The following DPYSL4 variants were observed in gnomAD, a reference collection of about 807,000 sequenced individuals.
The protein encoded by DPYSL4 is dihydropyrimidinase like 4, also known as dihydropyrimidinase-related protein 4.
A neutral mutation model predicts 63.4 loss-of-function variants in DPYSL4; 43 were observed. That is an observed-to-expected ratio of 0.68 (90% CI 0.53 to 0.88). The LOEUF (loss-of-function observed/expected upper bound fraction) is 0.88, where lower values mean the gene tolerates loss of function less well. Among genes scored for constraint, DPYSL4 ranks in the 40% least tolerant of loss-of-function variants. The pLI is 0.00. For synonymous variants in DPYSL4, 353 were observed against 331.7 expected (o/e 1.06, Z -0.70); for missense variants, 733 against 819.5 (o/e 0.89, Z 1.29).
chr10:132,197,768 G>A (rs1464094856), intron 6 of DPYSL4, among the ~76,000 whole-genome samples: 2 of 152,178 alleles, frequency 1.3e-5, no homozygotes, highest in East Asian at 3.9e-4. Context: ...GGAAGGTGGT[G>A]GCACTCGGGC....
chr10:132,202,951 T>C, intron 12 of DPYSL4, 126 bp downstream of exon 12: 1 of 1,194,936 alleles, frequency 8.4e-7, no homozygotes, highest in Non-Finnish European at 1.1e-6. Flanking sequence ...GCGGGGCCGC[T>C]GCTTGCCCAG....
intron 12 of DPYSL4, 28 bp from the exon 13 acceptor site, chr10:132,203,734 C>T (rs2062053758): frequency 5.1e-6 from 8 of 1,583,896 alleles, no homozygotes; most frequent in Non-Finnish European, 6.9e-6. Context: ...CCCCTCATGC[C>T]CTGTCTCTGC....
At position 132,187,008 on chromosome 10, in the gene DPYSL4, CGCCCGCCCGCCCG is replaced by C; in HGVS notation, c.-55_-43del. The C allele has an allele frequency of 5.3e-5, 7 of 133,026 alleles. No individual in the cohort carries two copies. The South Asian group carries it at 6.3e-4, about 12-fold the overall frequency. 8.2% of individuals were successfully genotyped at this position (133,026 alleles called of 1,614,324 possible). A position where few individuals can be genotyped will look rare whatever the true frequency, so the allele number is the denominator to read the frequency against. On this transcript the variant is annotated 5_prime_UTR_variant, in exon 1 of 14. Coordinates refer to ENST00000338492, the MANE Select transcript of DPYSL4 (RefSeq NM_006426.3). ...CGGCTCACGCGTCCCCCCGCCCGCC[CGCCCGCCCGCCCG>C]CCCCCGCTTGTGCCGCCCCTACCAG...
At chr10:132,198,374 C>G in intron 6 of DPYSL4, 41 bp from the exon 7 acceptor site, 1 of 1,577,834 alleles carries the variant, frequency 6.3e-7, no homozygotes, top group Non-Finnish European at 8.6e-7. Context: ...GCCCAGGCTC[C>G]CTTCAGGGCT....
At chr10:132,201,909 C>T (rs1330944917) in intron 10 of DPYSL4, 37 bp from the exon 11 acceptor site, 2 of 1,588,922 alleles carry the variant, frequency 1.3e-6, no homozygotes, top group South Asian at 1.1e-5. Flanking sequence ...ACCCCAACCC[C>T]ACCCGTCGCC....
In DPYSL4 at chr10:132,200,875, C is replaced by A; in HGVS notation, c.1002C>A (p.Cys334Ter). The change falls in exon 10 of 14, where the codon TGC (cysteine) becomes TGA (stop). Residue 334 changes from cysteine (C) to a stop codon, truncating the protein, a stop_gained. Transcript: ENST00000338492. LOFTEE classifies it high-confidence loss of function. ...TCCAGGTGACAGGCAGCGCCCACTG[C>A]ACCTTCACCACTGCCCAGAAGGCTG... ...GDLQVTGSAH[C>*]TFTTAQKAVG... 1 of 1,613,128 alleles carries A rather than the reference C, an allele frequency of 6.2e-7. No individual in the cohort carries two copies.
At chr10:132,191,858 C>T (rs1298383140) in intron 2 of DPYSL4, among the ~76,000 whole-genome samples, 1 of 132,674 alleles carries the variant, frequency 7.5e-6, no homozygotes, top group African/African-American at 2.9e-5. Context: ...GTTCCCAGCT[C>T]GTGTGTACAC....
chr10:132,187,009 G>GGGGGGGGGGGGGGGGGGC lies in DPYSL4; in HGVS notation c.-55_-54insGGGGGGGGGGGGGGGGGC. 3.0e-5 allele frequency: 2 copies of GGGGGGGGGGGGGGGGGGC among 65,726 alleles called. No homozygotes were observed. The highest frequency in any genetic ancestry group is 1.8e-3 in the East Asian group (1 of 546). 4.1% of individuals were successfully genotyped at this position (65,726 alleles called of 1,614,324 possible). A position where few individuals can be genotyped will look rare whatever the true frequency, so the allele number is the denominator to read the frequency against. Reference sequence around the variant, plus strand: ...GGCTCACGCGTCCCCCCGCCCGCCCGCCCGCCCGCCCGCCCCCGCTTGTGC... The same window carrying GGGGGGGGGGGGGGGGGGC: ...GGCTCACGCGTCCCCCCGCCCGCCCGGGGGGGGGGGGGGGGGGCCCCGCCCGCCCGCCCCCGCTTGTGC... On this transcript the variant is annotated 5_prime_UTR_variant, in exon 1 of 14. Transcript: ENST00000338492.
In DPYSL4 at chr10:132,200,956, C is replaced by T; in HGVS notation, c.1083C>T (p.Arg361=). The change falls in exon 10 of 14, where the codon CGC becomes CGT. Residue 361 remains arginine, a synonymous_variant. Coordinates refer to ENST00000338492, the MANE Select transcript of DPYSL4 (RefSeq NM_006426.3). ...AGGGCACCAACGGCATTGAGGAGCG[C>T]ATGTCGATGGTCTGGGAGAAATGTG... ...IPEGTNGIEE[R]MSMVWEKCVA... The T allele has an allele frequency of 6.2e-7, 1 of 1,613,264 alleles. No individual in the cohort carries two copies. Among genetic ancestry groups the T allele is most frequent in the Non-Finnish European group, 8.5e-7 (1 of 1,179,944 alleles).
At chr10:132,196,809 T>C (rs2061951188) in intron 4 of DPYSL4, 52 bp from the exon 5 acceptor site, 5 of 1,599,818 alleles carry the variant, frequency 3.1e-6, no homozygotes, top group Non-Finnish European at 3.4e-6. Context: ...AGAGGCTCCG[T>C]AGGTTGTCTG....
chr10:132,187,964 G>A lies in DPYSL4; in HGVS notation c.39+862G>A, dbSNP rs540249327. 2.6e-5 allele frequency among the ~76,000 whole-genome samples: 4 copies of A among 152,296 alleles called. No homozygotes were observed. In the East Asian group the frequency reaches 5.8e-4, roughly 22 times the overall value. The stretch of plus-strand genomic sequence containing the variant: ...TGGACTTGGCCTCGGCGGGAGGGCC[G>A]TGGGGTCTGACCTCTGGCATTAGCT... On this transcript the variant is annotated intron_variant, in intron 1 of 13. Coordinates refer to ENST00000338492, the MANE Select transcript of DPYSL4 (RefSeq NM_006426.3).
chr10:132,202,429 C>A (rs1590105733), intron 11 of DPYSL4, among the ~76,000 whole-genome samples: 1 of 152,256 alleles, frequency 6.6e-6, no homozygotes, highest in South Asian at 2.1e-4. Context: ...CCCCTTTGTC[C>A]TCGAGAGAAA....
Position 132,192,787 on chromosome 10 carries a change from T to G in DPYSL4, c.258T>G (p.Ala86=), listed in dbSNP as rs778727471. ...TGCCTGTCCTGGGCATGACACCGGC[T>G]GACGACTTCTGTCAGGGCACCAAGG... ...LQMPVLGMTP[A]DDFCQGTKAA... Residue 86 remains alanine (A), a synonymous_variant, in exon 3 of 14, where the codon GCT becomes GCG. Coordinates refer to ENST00000338492, the MANE Select transcript of DPYSL4 (RefSeq NM_006426.3). 3 of 1,613,072 alleles carry G rather than the reference T, an allele frequency of 1.9e-6. No individual in the cohort carries two copies. Among genetic ancestry groups the G allele is most frequent in the Non-Finnish European group, 2.5e-6 (3 of 1,179,918 alleles).
chr10:132,197,915 T>TC (rs2061966076), intron 6 of DPYSL4, among the ~76,000 whole-genome samples: 4 of 152,178 alleles, frequency 2.6e-5, no homozygotes, highest in Admixed American at 2.6e-4. Context: ...CTAGGGATGC[T>TC]CCACATACAG....
intron 7 of DPYSL4, among the ~76,000 whole-genome samples, 156 bp from the exon 8 acceptor site, chr10:132,198,695 G>A (rs1290807834): frequency 2.0e-5 from 3 of 152,194 alleles, no homozygotes; most frequent in South Asian, 2.1e-4. Context: ...AAGGTGGCGT[G>A]GGCAGGCCCA....
chr10:132,188,284 C>T (rs1353789119), intron 1 of DPYSL4, among the ~76,000 whole-genome samples: 2 of 152,222 alleles, frequency 1.3e-5, no homozygotes, highest in African/African-American at 4.8e-5. Flanking sequence ...CACACCCCAG[C>T]TGCGTCTCCT....
chr10:132,202,560 C>T (rs1394482403), intron 11 of DPYSL4, 86 bp from the exon 12 acceptor site: 15 of 1,535,938 alleles, frequency 9.8e-6, no homozygotes, highest in East Asian at 4.5e-5. Context: ...CCACGCTGGG[C>T]GGCCACAGTG....
In DPYSL4 at chr10:132,203,851, G is replaced by A. The variant is rs770641721; in HGVS notation, c.1551G>A (p.Pro517=). 5.7e-5 allele frequency: 92 copies of A among 1,612,868 alleles called. No individual in the cohort carries two copies. The highest frequency in any genetic ancestry group is 3.7e-4 in the South Asian group (34 of 91,062). ...CTGCCAAGCCAGGGAGTGGCGCTCC[G>A]GCCCGCGCGTCCTGCCCAGGCAAGA... is the stretch of plus-strand genomic sequence containing the variant. ...MVPAKPGSGA[P]ARASCPGKIS... Residue 517 remains proline, a synonymous_variant, in exon 13 of 14, where the codon CCG becomes CCA. Transcript: ENST00000338492.
At chr10:132,196,707 C>T (rs1432697388) in intron 4 of DPYSL4, among the ~76,000 whole-genome samples, 154 bp from the exon 5 acceptor site, 33 of 152,170 alleles carry the variant, frequency 2.2e-4, no homozygotes, top group Non-Finnish European at 7.4e-5. Flanking sequence ...TGCATGGAAG[C>T]GGGGGACTGC....
Sources: gnomAD v4.1 joint callset for allele counts (sites outside exome capture counted in the v4.1 genomes callset) on GRCh38, gnomAD v4.1.1 for gene constraint, MANE v1.5 for transcripts, NCBI Gene and HGNC (gene_info 2026-07-23, HGNC 2026-07-21) for gene names.